The following GRM8 variants were observed in gnomAD, a reference collection of about 807,000 sequenced individuals.
The protein encoded by GRM8 is metabotropic glutamate receptor 8.
In GRM8, 47 loss-of-function variants were observed where a neutral mutation model predicts 87.2. The ratio of observed to expected loss-of-function variants is 0.54; its 90% CI spans 0.43 to 0.69. The LOEUF is 0.69. GRM8 is among the 30% of genes least tolerant of loss of function. The probability of loss-of-function intolerance (pLI) is 0.00; values close to 1 mark genes in which losing one functional copy is unlikely to be tolerated. For missense variants in GRM8, 1,019 were observed against 1,139.2 expected, an observed-to-expected ratio of 0.89 and a Z score of 1.52; for synonymous variants, 396 against 404.5, an observed-to-expected ratio of 0.98 and a Z score of 0.25.
intron 9 of GRM8, among the ~76,000 whole-genome samples, chr7:126,452,000 T>C (rs1207781034): frequency 6.6e-6 from 1 of 151,800 alleles, no homozygotes; most frequent in African/African-American, 2.4e-5. Context: ...TCCATGAATA[T>C]TGGGAATTTT....
intron 6 of GRM8, among the ~76,000 whole-genome samples, chr7:126,814,452 A>T (rs1032086777): frequency 6.6e-6 from 1 of 152,078 alleles, no homozygotes; most frequent in African/African-American, 2.4e-5. Flanking sequence ...ATACAACTGG[A>T]AGGCTACTCC....
At chr7:126,964,494 CA>C (rs1809642704) in intron 3 of GRM8, among the ~76,000 whole-genome samples, 1 of 152,038 alleles carries the variant, frequency 6.6e-6, no homozygotes, top group Non-Finnish European at 1.5e-5. Flanking sequence ...AAAAAGTGGG[CA>C]AAGGATATGA....
chr7:127,105,090 C>T (rs1324117622), intron 3 of GRM8, among the ~76,000 whole-genome samples: 1 of 152,172 alleles, frequency 6.6e-6, no homozygotes, highest in African/African-American at 2.4e-5. Flanking sequence ...ACATCAGCTG[C>T]TTAAATAATA....
chr7:126,601,558 A>G lies in GRM8; in HGVS notation c.1494+7804T>C, dbSNP rs868342420. On this transcript the variant is annotated intron_variant, in intron 8 of 10. Coordinates refer to ENST00000339582, the MANE Select transcript of GRM8 (RefSeq NM_000845.3). ...TTTACAGTCCCACCAACAGTGTAAA[A>G]GTGTTCCTATTTCTCCACATCCTCT... Among the ~76,000 whole-genome samples the G allele has an allele frequency of 1.8e-3, 277 of 150,748 alleles. 1 individual carries two copies. Among genetic ancestry groups the G allele is most frequent in the African/African-American group, 6.3e-3 (261 of 41,236 alleles).
chr7:126,883,184 G>A (rs1001557699), intron 6 of GRM8, among the ~76,000 whole-genome samples: 5 of 152,180 alleles, frequency 3.3e-5, no homozygotes, highest in Non-Finnish European at 7.3e-5. Flanking sequence ...TAATTTAGGT[G>A]TTTAGATAAA....
chr7:126,991,962 A>C (rs1812703050), intron 3 of GRM8, among the ~76,000 whole-genome samples: 1 of 152,218 alleles, frequency 6.6e-6, no homozygotes, highest in African/African-American at 2.4e-5. Flanking sequence ...GTAATTTTAA[A>C]ATGATTTTAA....
chr7:127,019,840 G>A (rs1816079841), intron 3 of GRM8, among the ~76,000 whole-genome samples: 1 of 152,006 alleles, frequency 6.6e-6, no homozygotes, highest in Non-Finnish European at 1.5e-5. Context: ...TATATTTTGT[G>A]AGTATTAAAT....
chr7:126,859,209 A>G (rs1797946491), intron 6 of GRM8, among the ~76,000 whole-genome samples: 2 of 151,968 alleles, frequency 1.3e-5, no homozygotes, highest in African/African-American at 2.4e-5. Flanking sequence ...CAGGTCGAGT[A>G]CCTGGCACAG....
At chr7:127,046,529 G>T (rs1295670508) in intron 3 of GRM8, among the ~76,000 whole-genome samples, 2 of 152,086 alleles carry the variant, frequency 1.3e-5, no homozygotes, top group East Asian at 3.9e-4. Context: ...TTTCAAATGG[G>T]AATAATAGTG....
Position 126,905,309 on chromosome 7 carries a change from T to C in GRM8, c.728-626A>G, listed in dbSNP as rs546505559. 2.0e-5 allele frequency among the ~76,000 whole-genome samples: 3 copies of C among 152,300 alleles called. No individual in the cohort carries two copies. In the East Asian group the frequency reaches 5.8e-4, roughly 29 times the overall value. Reference sequence around the variant, plus strand: ...AAATGGCAGAAATACCATCTCATTTTCACTGCAAATAAAAAGACAGAACCC... The same window carrying C: ...AAATGGCAGAAATACCATCTCATTTCCACTGCAAATAAAAAGACAGAACCC... On this transcript the variant is annotated intron_variant, in intron 3 of 10. Transcript: ENST00000339582.
intron 9 of GRM8, among the ~76,000 whole-genome samples, chr7:126,493,187 A>G (rs1808254721): frequency 6.6e-6 from 1 of 152,026 alleles, no homozygotes. Flanking sequence ...ATCTTAATCT[A>G]TTCAAAGTGG....
chr7:127,174,391 A>G (rs1793979276), intron 2 of GRM8, among the ~76,000 whole-genome samples: 1 of 152,190 alleles, frequency 6.6e-6, no homozygotes, highest in Admixed American at 6.5e-5. Flanking sequence ...TTCTCTGAAC[A>G]GAAGGAAAGG....
intron 7 of GRM8, among the ~76,000 whole-genome samples, chr7:126,695,398 G>A (rs1348351230): frequency 2.0e-5 from 3 of 152,122 alleles, no homozygotes; most frequent in African/African-American, 7.2e-5. Flanking sequence ...GGCTGACCAG[G>A]AAACAGTATC....
chr7:127,056,030 T>C (rs1819951473), intron 3 of GRM8, among the ~76,000 whole-genome samples: 1 of 152,210 alleles, frequency 6.6e-6, no homozygotes, highest in Non-Finnish European at 1.5e-5. Flanking sequence ...TACTGAATAC[T>C]ACACACACTT....
At chr7:127,012,389 T>C (rs1053202301) in intron 3 of GRM8, among the ~76,000 whole-genome samples, 1 of 152,134 alleles carries the variant, frequency 6.6e-6, no homozygotes, top group South Asian at 2.1e-4. Context: ...AGAGCAGGGA[T>C]GCACACTAAT....
At chr7:126,744,805 T>C (rs945433424) in intron 7 of GRM8, among the ~76,000 whole-genome samples, 6 of 151,988 alleles carry the variant, frequency 3.9e-5, no homozygotes, top group African/African-American at 9.6e-5. Context: ...TGGCAACAGA[T>C]TGAATGCAGT....
chr7:126,966,873 G>A (rs942449573), intron 3 of GRM8, among the ~76,000 whole-genome samples: 1 of 152,148 alleles, frequency 6.6e-6, no homozygotes, highest in Non-Finnish European at 1.5e-5. Context: ...CTGCTCTGAT[G>A]GACAAAAGTC....
intron 7 of GRM8, among the ~76,000 whole-genome samples, chr7:126,767,626 TTAG>T (rs1358425683): frequency 6.6e-6 from 1 of 152,106 alleles, no homozygotes. Context: ...TCTTCCTCCT[TTAG>T]TAGTTTTGAT....
chr7:126,655,692 T>C (rs370111482), intron 7 of GRM8, among the ~76,000 whole-genome samples: 1 of 152,242 alleles, frequency 6.6e-6, no homozygotes, highest in East Asian at 1.9e-4. Context: ...TGAATCAGTA[T>C]TATTGTTTTA....
Sources: gnomAD v4.1 joint callset for allele counts (sites outside exome capture counted in the v4.1 genomes callset) on GRCh38, gnomAD v4.1.1 for gene constraint, MANE v1.5 for transcripts, NCBI Gene and HGNC (gene_info 2026-07-23, HGNC 2026-07-21) for gene names.